Variants in ARAP2 observed in about 807,000 individuals in gnomAD.
ARAP2 encodes the protein arf-GAP with Rho-GAP domain, ANK repeat and PH domain-containing protein 2.
Under a neutral mutation model 194.5 loss-of-function variants are expected in ARAP2, and 148 were observed. That is an observed-to-expected ratio of 0.76 (90% CI 0.67 to 0.87). The LOEUF is 0.87. ARAP2 is among the 40% of genes least tolerant of loss of function. The pLI is 0.00. For synonymous variants in ARAP2, 695 were observed against 683.5 expected, an observed-to-expected ratio of 1.02 and a Z score of -0.26; for missense variants, 2,128 against 1,989.7, an observed-to-expected ratio of 1.07 and a Z score of -1.32.
chr4:36,119,523 T>G (rs1722183007), intron 24 of ARAP2, 127 bp downstream of exon 24: 2 of 566,572 alleles, frequency 3.5e-6, no homozygotes, highest in Non-Finnish European at 6.0e-6. Flanking sequence ...AATTAGTTTT[T>G]TTTTTCACTC....
chr4:36,109,598 A>G (rs570185976), intron 26 of ARAP2, among the ~76,000 whole-genome samples: 11 of 152,054 alleles, frequency 7.2e-5, no homozygotes, highest in Non-Finnish European at 1.3e-4. Flanking sequence ...CAATTTTTCA[A>G]TGTTATAATT....
chr4:36,221,449 T>C (rs1749149076), intron 2 of ARAP2, among the ~76,000 whole-genome samples: 1 of 152,058 alleles, frequency 6.6e-6, no homozygotes, highest in Non-Finnish European at 1.5e-5. Flanking sequence ...AACTCATAAG[T>C]AACTGATCTG....
At chr4:36,079,016 A>G (rs1052234932) in intron 31 of ARAP2, among the ~76,000 whole-genome samples, 3 of 151,920 alleles carry the variant, frequency 2.0e-5, no homozygotes, top group African/African-American at 7.3e-5. Context: ...TCTACTAAAA[A>G]TACAAAAATT....
intron 15 of ARAP2, 61 bp from the exon 16 acceptor site, chr4:36,151,105 C>A: frequency 7.2e-7 from 1 of 1,395,262 alleles, no homozygotes; most frequent in Admixed American, 2.3e-5. Context: ...ATTTTAAAAA[C>A]AAAAACATAC....
chr4:36,230,627 T>C (rs1471945743), intron 1 of ARAP2, among the ~76,000 whole-genome samples: 1 of 152,228 alleles, frequency 6.6e-6, no homozygotes, highest in Non-Finnish European at 1.5e-5. Context: ...TACAGGTGTG[T>C]TCAGTTTATG....
chr4:36,212,592 G>T, intron 4 of ARAP2, 105 bp from the exon 5 acceptor site: 1 of 653,624 alleles, frequency 1.5e-6, no homozygotes, highest in Non-Finnish European at 2.6e-6. Context: ...TAATATCTGA[G>T]TTTAGTTTTA....
chr4:36,192,644 G>A (rs1424683587), intron 7 of ARAP2, among the ~76,000 whole-genome samples: 4 of 152,126 alleles, frequency 2.6e-5, no homozygotes, highest in East Asian at 3.8e-4. Context: ...CCTAGGCAAC[G>A]AATTGTCTTA....
chr4:36,020,372 T>C (rs537341438), intron 5 of ARAP2, among the ~76,000 whole-genome samples: 2 of 152,142 alleles, frequency 1.3e-5, no homozygotes, highest in East Asian at 1.9e-4. Flanking sequence ...GATTGTGCCA[T>C]TGCACTCCAT....
At chr4:36,213,199 C>T (rs1207620751) in intron 4 of ARAP2, 44 bp downstream of exon 4, 1 of 1,364,752 alleles carries the variant, frequency 7.3e-7, no homozygotes, top group Admixed American at 1.8e-5. Context: ...GGCAGAAAAG[C>T]AAATAATTGA....
At chr4:36,223,694 T>C (rs1216158093) in intron 2 of ARAP2, among the ~76,000 whole-genome samples, 1 of 150,138 alleles carries the variant, frequency 6.7e-6, no homozygotes, top group Non-Finnish European at 1.5e-5. Context: ...ACTGGTAGCC[T>C]TCTAAAAACA....
At chr4:36,031,697 C>A (rs188158129) in intron 5 of ARAP2, among the ~76,000 whole-genome samples, 100 of 147,270 alleles carry the variant, frequency 6.8e-4, no homozygotes, top group African/African-American at 2.4e-3. Flanking sequence ...GAGATGGAGT[C>A]TCGCTCTGTC....
At chr4:36,142,365 A>G (rs1728554352) in intron 19 of ARAP2, among the ~76,000 whole-genome samples, 1 of 151,668 alleles carries the variant, frequency 6.6e-6, no homozygotes, top group Admixed American at 6.6e-5. Flanking sequence ...AAGCCATCTG[A>G]AAACAAACTG....
At chr4:36,224,953 T>C (rs181644103) in intron 2 of ARAP2, among the ~76,000 whole-genome samples, 27 of 152,350 alleles carry the variant, frequency 1.8e-4, no homozygotes, top group Admixed American at 4.6e-4. Context: ...TTTGCTCATA[T>C]GTATTGTTGA....
chr4:36,236,248 T>C (rs1028631270), intron 1 of ARAP2, among the ~76,000 whole-genome samples: 4 of 150,940 alleles, frequency 2.7e-5, no homozygotes, highest in Non-Finnish European at 5.9e-5. Context: ...GGAAAGCCAC[T>C]ATAGTAAGCC....
chr4:36,008,272 C>T (rs1172518862), intron 9 of ARAP2, among the ~76,000 whole-genome samples: 2 of 152,100 alleles, frequency 1.3e-5, no homozygotes, highest in East Asian at 3.8e-4. Context: ...GGAGGCATCA[C>T]ATTACCTGAC....
chr4:36,244,365 G>C lies in ARAP2; in HGVS notation c.-346C>G, dbSNP rs1429630917. 6.6e-6 allele frequency: 1 copy of C among 151,032 alleles called. No homozygotes were observed. The highest frequency in any genetic ancestry group is 1.5e-5 in the Non-Finnish European group (1 of 67,632). 9.4% of individuals were successfully genotyped at this position (151,032 alleles called of 1,614,324 possible). ...CTGCCTGGCGGCGGCCGCGCGGGCG[G>C]CGCTGTTAGTGGGGCCGGCGTGTCG... is the stretch of plus-strand genomic sequence containing the variant. On this transcript the variant is annotated 5_prime_UTR_variant, in exon 1 of 33. Coordinates refer to ENST00000303965, the MANE Select transcript of ARAP2 (RefSeq NM_015230.4).
chr4:36,200,738 G>A (rs1218301113), intron 6 of ARAP2, among the ~76,000 whole-genome samples: 1 of 152,092 alleles, frequency 6.6e-6, no homozygotes, highest in Non-Finnish European at 1.5e-5. Flanking sequence ...CTGTGCAAAA[G>A]TTCAATACTC....
At chr4:36,238,823 T>C (rs1200446653) in intron 1 of ARAP2, among the ~76,000 whole-genome samples, 1 of 152,150 alleles carries the variant, frequency 6.6e-6, no homozygotes, top group Admixed American at 6.5e-5. Flanking sequence ...GAAAGACAGC[T>C]AACACAGGAC....
At chr4:36,166,896 A>G (rs1363666496) in intron 10 of ARAP2, 36 bp downstream of exon 10, 1 of 1,329,994 alleles carries the variant, frequency 7.5e-7, no homozygotes, top group East Asian at 2.3e-5. Context: ...GCTTTCCTAT[A>G]GTAGTACGAA....
Sources: allele counts gnomAD v4.1 joint callset (sites outside exome capture counted in the v4.1 genomes callset), GRCh38; gene constraint gnomAD v4.1.1; transcripts MANE v1.5; gene names NCBI Gene and HGNC (gene_info 2026-07-23, HGNC 2026-07-21).